Variants in CHAF1A observed in about 807,000 individuals in gnomAD.
The protein encoded by CHAF1A is chromatin assembly factor 1 subunit A.
Under a neutral mutation model 93.2 loss-of-function variants are expected in CHAF1A, and 5 were observed. The observed-to-expected ratio is 0.05, with a 90% CI of 0.03 to 0.11. CHAF1A has a LOEUF of 0.11. Ranked by LOEUF, CHAF1A falls within the 10% of genes least tolerant of loss-of-function variation. The pLI, the probability that CHAF1A is intolerant of heterozygous loss-of-function variation, is 1.00. For missense variants in CHAF1A, 1,102 were observed against 1,259.9 expected, an observed-to-expected ratio of 0.87 and a Z score of 1.90; for synonymous variants, 504 against 510.3, an observed-to-expected ratio of 0.99 and a Z score of 0.17.
At position 4,428,910 on chromosome 19, in the gene CHAF1A, G is replaced by A. The variant is rs772063695; in HGVS notation, c.1604+20G>A. On this transcript the variant is annotated intron_variant, in intron 8 of 14. Transcript: ENST00000301280. ...TAACAGGTCAGAGCCTGAGGAGGTC[G>A]GCCTTCACCCACTAGTGATGCTGGA... 14 of 1,600,732 alleles carry A rather than the reference G, an allele frequency of 8.7e-6. No individual in the cohort carries two copies. Among genetic ancestry groups the A allele is most frequent in the Middle Eastern group, 1.6e-4 (1 of 6,064 alleles).
At chr19:4,426,019 A>G (rs577437661) in intron 7 of CHAF1A, among the ~76,000 whole-genome samples, 1 of 152,088 alleles carries the variant, frequency 6.6e-6, no homozygotes, top group South Asian at 2.1e-4. Context: ...TAGTTCTTCT[A>G]TGACTTGCCA....
chr19:4,438,727 T>C (rs1294041401), intron 13 of CHAF1A, among the ~76,000 whole-genome samples: 1 of 152,190 alleles, frequency 6.6e-6, no homozygotes, highest in African/African-American at 2.4e-5. Context: ...CTCATGCCTG[T>C]AATCCCAGCA....
intron 7 of CHAF1A, among the ~76,000 whole-genome samples, chr19:4,424,220 A>G (rs548767287): frequency 3.7e-4 from 56 of 152,288 alleles, no homozygotes; most frequent in Middle Eastern, 3.4e-3. Context: ...AGTACAATTC[A>G]CAAAGGTTTA....
intron 8 of CHAF1A, 122 bp downstream of exon 8, chr19:4,429,012 G>A (rs910934930): frequency 4.0e-6 from 3 of 744,796 alleles, no homozygotes; most frequent in Admixed American, 5.3e-5. Flanking sequence ...AGTGCCCTCG[G>A]GCCCTGGGCT....
At chr19:4,432,231 A>G in intron 12 of CHAF1A, 24 bp downstream of exon 12, 1 of 1,576,382 alleles carries the variant, frequency 6.3e-7, no homozygotes, top group Middle Eastern at 2.3e-4. Context: ...GGGCCAGGCC[A>G]CCCACCTGTT....
chr19:4,421,400 A>G (rs1040784665), intron 4 of CHAF1A, among the ~76,000 whole-genome samples: 2 of 152,160 alleles, frequency 1.3e-5, no homozygotes, highest in African/African-American at 4.8e-5. Flanking sequence ...TGAATCTTAT[A>G]TTGAATTTCC....
At chr19:4,446,520 G>C (rs764632030), downstream of CHAF1A, 1 of 1,610,866 alleles carries the variant, frequency 6.2e-7, no homozygotes, top group Non-Finnish European at 8.5e-7. Context: ...GCTCCCGCTT[G>C]ATCTCCTCTG....
chr19:4,442,545 A>T lies in CHAF1A; in HGVS notation c.2770+204A>T, dbSNP rs370187294. Among the ~76,000 whole-genome samples, 5 of 152,328 alleles carry T rather than the reference A, an allele frequency of 3.3e-5. No homozygotes were observed. The East Asian group carries it at 5.8e-4, about 18-fold the overall frequency. On this transcript the variant is annotated intron_variant, in intron 14 of 14. Coordinates refer to ENST00000301280, the MANE Select transcript of CHAF1A (RefSeq NM_005483.3). ...CCATGCCAGGCATCGTTCTGGCCGC[A>T]GAGCCACAAGGGCCTATGCTGGGAG...
chr19:4,446,854 G>A (rs1285530090), downstream of CHAF1A: 3 of 1,614,098 alleles, frequency 1.9e-6, no homozygotes, highest in Non-Finnish European at 2.5e-6. Context: ...TGGGCGGGAA[G>A]CAACACCTTC....
intron 13 of CHAF1A, among the ~76,000 whole-genome samples, chr19:4,435,978 A>G (rs1272533287): frequency 6.6e-6 from 1 of 152,142 alleles, no homozygotes; most frequent in Non-Finnish European, 1.5e-5. Context: ...GTCTCTACTA[A>G]AAATACAAAA....
chr19:4,448,449 G>C (rs763296686), downstream of CHAF1A: 1 of 1,558,948 alleles, frequency 6.4e-7, no homozygotes, highest in South Asian at 1.2e-5. Context: ...GCCACTCACT[G>C]AGAGCCCGGG....
At chr19:4,449,627 GGC>G (rs141788493), downstream of CHAF1A, 1,336 of 152,430 alleles carry the variant, frequency 8.8e-3, 21 homozygotes, top group Admixed American at 0.035. Context: ...GCGGGCCTCG[GGC>G]GTTTTGGGCG....
chr19:4,428,763 A>G lies in CHAF1A; in HGVS notation c.1477A>G (p.Ser493Gly). The change falls in exon 8 of 15, where the codon AGT (serine) becomes GGT (glycine). Residue 493 changes from serine to glycine, a missense_variant. By Grantham distance (56) the Ser-to-Gly change is moderately conservative (BLOSUM62 0). Coordinates refer to ENST00000301280, the MANE Select transcript of CHAF1A (RefSeq NM_005483.3). ...RRTAFHPDLC[S>G]QLDQLLQQQS... is the part of the protein sequence containing the mutation. Reference sequence around the variant, plus strand: ...GACCGCTTTCCATCCAGACCTCTGCAGTCAGCTGGACCAGCTCCTCCAGCA... The same window carrying G: ...GACCGCTTTCCATCCAGACCTCTGCGGTCAGCTGGACCAGCTCCTCCAGCA... The G allele has an allele frequency of 6.2e-7, 1 of 1,614,190 alleles. No individual in the cohort carries two copies.
intron 13 of CHAF1A, among the ~76,000 whole-genome samples, chr19:4,440,170 C>T (rs996414468): frequency 6.6e-6 from 1 of 152,166 alleles, no homozygotes; most frequent in Non-Finnish European, 1.5e-5. Flanking sequence ...GGACTATCCT[C>T]CCTACTGAAA....
Position 4,442,427 on chromosome 19 carries a change from G to A in CHAF1A, c.2770+86G>A, listed in dbSNP as rs548490447. 4 of 1,124,364 alleles carry A rather than the reference G, an allele frequency of 3.6e-6. No homozygotes were observed. In the South Asian group the frequency reaches 5.5e-5, roughly 15 times the overall value. 69.6% of individuals were successfully genotyped at this position (1,124,364 alleles called of 1,614,324 possible). A position where few individuals can be genotyped will look rare whatever the true frequency, so the allele number is the denominator to read the frequency against. ...ACAGAGAAGGGATGGGGCTGCCTAA[G>A]ACTAGCTCCACTGTGAGCAGCCAGG... On this transcript the variant is annotated intron_variant, in intron 14 of 14. Transcript: ENST00000301280.
Position 4,438,295 on chromosome 19 carries a change from C to T in CHAF1A, c.2674-3950C>T, listed in dbSNP as rs538284610. On this transcript the variant is annotated intron_variant, in intron 13 of 14. Coordinates refer to ENST00000301280, the MANE Select transcript of CHAF1A (RefSeq NM_005483.3). ...TGTGATATTTGGTTTTCTGTGCCTG[C>T]GTTAGTTTGCTGAGGATAATGGTTC... is the stretch of plus-strand genomic sequence containing the variant. Among the ~76,000 whole-genome samples, 8 of 152,186 alleles carry T rather than the reference C, an allele frequency of 5.3e-5. No individual in the cohort carries two copies. The East Asian group carries it at 7.7e-4, about 15-fold the overall frequency.
chr19:4,432,418 C>T (rs1192677799), intron 12 of CHAF1A, among the ~76,000 whole-genome samples: 1 of 152,100 alleles, frequency 6.6e-6, no homozygotes, highest in East Asian at 1.9e-4. Context: ...GTTTTATCAA[C>T]CAGGACACAG....
intron 3 of CHAF1A, among the ~76,000 whole-genome samples, chr19:4,414,969 C>A (rs546485805): frequency 9.9e-5 from 15 of 152,236 alleles, no homozygotes; most frequent in African/African-American, 3.1e-4. Flanking sequence ...AGTATAAAAT[C>A]AGAGTCCATA....
At chr19:4,446,032 T>A, downstream of CHAF1A, 1 of 1,600,900 alleles carries the variant, frequency 6.2e-7, no homozygotes, top group Non-Finnish European at 8.5e-7. Context: ...GCGGTGCTCC[T>A]GCGGGCCGAC....
Sources: allele counts gnomAD v4.1 joint callset (sites outside exome capture counted in the v4.1 genomes callset), GRCh38; gene constraint gnomAD v4.1.1; transcripts MANE v1.5; gene names NCBI Gene and HGNC (gene_info 2026-07-23, HGNC 2026-07-21).